ONECUT3: variants seen among roughly 807,000 people sequenced by gnomAD.
ONECUT3 encodes one cut homeobox 3, also known as one cut domain family member 3.
ONECUT3 carries 11 observed loss-of-function variants against 16.8 expected under a neutral mutation model. That is an observed-to-expected ratio of 0.66 (90% CI 0.41 to 1.09). ONECUT3 has a LOEUF of 1.09. Ranked by LOEUF, ONECUT3 falls within the 50% of genes least tolerant of loss-of-function variation. ONECUT3 has a pLI of 0.00. For missense variants in ONECUT3, 637 were observed against 629.9 expected (o/e 1.01, Z -0.12); for synonymous variants, 344 against 310.7 (o/e 1.11, Z -1.13).
In ONECUT3 at chr19:1,758,337, C is replaced by CAGAGACAGAGAG. The variant is rs1355859261; in HGVS notation, c.1192+3488_1192+3489insCAGAGAGAGAGA. 4.4e-5 allele frequency among the ~76,000 whole-genome samples: 6 copies of CAGAGACAGAGAG among 134,912 alleles called. No homozygotes were observed. The highest frequency in any genetic ancestry group is 1.5e-4 in the Admixed American group (2 of 13,508). The allele number at this position is 134,912 out of a possible 152,430, so 88.5% of individuals were successfully genotyped here. On this transcript the variant is annotated intron_variant, in intron 1 of 1. Coordinates refer to ENST00000382349, the MANE Select transcript of ONECUT3 (RefSeq NM_001080488.2). This position sits in a 1 kb window ranked among gnomAD's most constrained non-coding sequence, Gnocchi z 5.9. ...AAAAAGAGAGAGAGAGAGAGAGAGA[C>CAGAGACAGAGAG]AGAGATGGGAGAGGAACTCTGGGTG...
rs2067912987 is a variant in ONECUT3, at chr19:1,755,680, T to A, written c.1192+826T>A. ...CGGTCGGAACACACTGGTATCTCTA[T>A]GTTTTTCTCTTGCTCTCCGTTTTGC... is the stretch of plus-strand genomic sequence containing the variant. On this transcript the variant is annotated intron_variant, in intron 1 of 1. Transcript: ENST00000382349. The surrounding 1 kb of genome is among the most constrained non-coding windows in gnomAD (Gnocchi z 7.5). 6.6e-6 allele frequency among the ~76,000 whole-genome samples: 1 copy of A among 152,234 alleles called. No homozygotes were observed. The highest frequency in any genetic ancestry group is 1.5e-5 in the Non-Finnish European group (1 of 68,040).
intron 1 of ONECUT3, among the ~76,000 whole-genome samples, chr19:1,774,851 C>T (rs1301972068): frequency 1.3e-5 from 2 of 150,770 alleles, no homozygotes; most frequent in Non-Finnish European, 3.0e-5. Context: ...GCCTTCCATT[C>T]TGTCTCCACC....
intron 1 of ONECUT3, among the ~76,000 whole-genome samples, chr19:1,769,969 C>G (rs970769770): frequency 3.9e-5 from 6 of 152,108 alleles, no homozygotes; most frequent in Admixed American, 2.0e-4. Context: ...TGCATCCTAC[C>G]TCCCTCCCCC....
chr19:1,756,791 G>A (rs1025922127), intron 1 of ONECUT3, among the ~76,000 whole-genome samples: 5 of 140,200 alleles, frequency 3.6e-5, no homozygotes, highest in African/African-American at 1.3e-4. Flanking sequence ...CAGGTGATCC[G>A]CCCGCTTCTG....
chr19:1,774,460 C>T (rs2068086089), intron 1 of ONECUT3, among the ~76,000 whole-genome samples: 1 of 152,048 alleles, frequency 6.6e-6, no homozygotes, highest in African/African-American at 2.4e-5. Flanking sequence ...CCCTGGTTAG[C>T]CCACCATTTC....
Position 1,778,883 on chromosome 19 carries a change from C to CACACACACAT in ONECUT3, c.*3447_*3448insTACACACACA, listed in dbSNP as rs1431685970. ...TCTTCGTATCACACACACACACACA[C>CACACACACAT]ACACACACACACACACACACACACA... On this transcript the variant is annotated 3_prime_UTR_variant, in exon 2 of 2. Transcript: ENST00000382349. The CACACACACAT allele has an allele frequency of 1.3e-5, 2 of 149,324 alleles. No homozygotes were observed. The highest frequency in any genetic ancestry group is 5.0e-5 in the African/African-American group (2 of 40,150). 9.2% of individuals were successfully genotyped at this position (149,324 alleles called of 1,614,324 possible). A position where few individuals can be genotyped will look rare whatever the true frequency, so the allele number is the denominator to read the frequency against.
In ONECUT3 at chr19:1,775,295, C is replaced by T. The variant is rs1400706396; in HGVS notation, c.1335C>T (p.Val445=). Residue 445 remains valine, a synonymous_variant, in exon 2 of 2, where the codon GTC becomes GTT. Transcript: ENST00000382349. ...AGCGGCCGTCCAAGGAGATGCAGGT[C>T]ACCATCTCGCAGCAGCTCGGCTTGG... ...ENKRPSKEMQ[V]TISQQLGLEL... 2 of 1,605,250 alleles carry T rather than the reference C, an allele frequency of 1.2e-6. No individual in the cohort carries two copies. The highest frequency in any genetic ancestry group is 1.7e-6 in the Non-Finnish European group (2 of 1,175,820).
chr19:1,767,002 G>A (rs1332795457), intron 1 of ONECUT3, among the ~76,000 whole-genome samples: 4 of 151,818 alleles, frequency 2.6e-5, no homozygotes, highest in South Asian at 2.1e-4. Context: ...GCTGCGGGGG[G>A]AGGGAGGGAC....
rs1166327576 is a variant in ONECUT3, at chr19:1,766,379, GAAGC to G, written c.1193-8773_1193-8770del. Among the ~76,000 whole-genome samples the G allele has an allele frequency of 6.6e-6, 1 of 151,506 alleles. No individual in the cohort carries two copies. Among genetic ancestry groups the G allele is most frequent in the Non-Finnish European group, 1.5e-5 (1 of 67,628 alleles). ...AGGGGCGAGGCGGATGCTGCATCCTGAAGCCCTCCCTGTTACAAGCCCAGCCCCT... is the reference window on the plus strand; with the variant it reads ...AGGGGCGAGGCGGATGCTGCATCCTGCCTCCCTGTTACAAGCCCAGCCCCT... On this transcript the variant is annotated intron_variant, in intron 1 of 1. Transcript: ENST00000382349. This position sits in a 1 kb window ranked among gnomAD's most constrained non-coding sequence, Gnocchi z 4.0.
rs1490741544 is a variant in ONECUT3, at chr19:1,775,439, G to A, written c.1479G>A (p.Lys493=). The change falls in exon 2 of 2, where the codon AAG becomes AAA. Residue 493 remains lysine, a synonymous_variant. Coordinates refer to ENST00000382349, the MANE Select transcript of ONECUT3 (RefSeq NM_001080488.2). ...GPAGATATFS[K]A is the part of the protein sequence containing the mutation. ...CCGGCGCCACGGCCACTTTCTCCAAGGCCTGAGGCGCCCCGGCCCCGCGCC... is the reference window on the plus strand; with the variant it reads ...CCGGCGCCACGGCCACTTTCTCCAAAGCCTGAGGCGCCCCGGCCCCGCGCC... The A allele has an allele frequency of 6.7e-7, 1 of 1,492,654 alleles. No homozygotes were observed. Among genetic ancestry groups the A allele is most frequent in the Non-Finnish European group, 8.9e-7 (1 of 1,126,150 alleles). The allele number at this position is 1,492,654 out of a possible 1,614,324, so 92.5% of individuals were successfully genotyped here.
intron 1 of ONECUT3, among the ~76,000 whole-genome samples, chr19:1,763,045 G>C (rs8102094): frequency 0.72 from 109,089 of 151,712 alleles, 39,897 homozygotes; most frequent in African/African-American, 0.86. Flanking sequence ...TAGGGAGACC[G>C]CATCTCTATA....
intron 1 of ONECUT3, among the ~76,000 whole-genome samples, chr19:1,771,430 C>A (rs1441863365): frequency 1.3e-5 from 2 of 152,066 alleles, no homozygotes; most frequent in Non-Finnish European, 2.9e-5. Context: ...TTTATTGCAC[C>A]TTCATGTTTG....
chr19:1,758,455 C>T lies in ONECUT3; in HGVS notation c.1192+3601C>T, dbSNP rs946730406. On this transcript the variant is annotated intron_variant, in intron 1 of 1. Transcript: ENST00000382349. The surrounding 1 kb of genome is among the most constrained non-coding windows in gnomAD (Gnocchi z 5.9). ...CTTGGGAGAGGGGAATAGGTGTTTT[C>T]CTTGTTTCACCAAAGCACGCAAGAA... Among the ~76,000 whole-genome samples, 2 of 151,676 alleles carry T rather than the reference C, an allele frequency of 1.3e-5. No individual in the cohort carries two copies. Among genetic ancestry groups the T allele is most frequent in the Admixed American group, 6.6e-5 (1 of 15,234 alleles).
At position 1,756,695 on chromosome 19, in the gene ONECUT3, A is replaced by ATTTTTTTTTTT. The variant is rs58105449; in HGVS notation, c.1192+1855_1192+1865dup. Among the ~76,000 whole-genome samples, 162 of 101,138 alleles carry ATTTTTTTTTTT rather than the reference A, an allele frequency of 1.6e-3. 1 individual carries two copies. Among genetic ancestry groups the ATTTTTTTTTTT allele is most frequent in the African/African-American group, 2.9e-3 (72 of 24,666 alleles). 66.4% of individuals were successfully genotyped at this position (101,138 alleles called of 152,430 possible). A position where few individuals can be genotyped will look rare whatever the true frequency, so the allele number is the denominator to read the frequency against. On this transcript the variant is annotated intron_variant, in intron 1 of 1. Transcript: ENST00000382349. ...CAGACGCCCGCCACCACGCCTGGCT[A>ATTTTTTTTTTT]TTTTTTTTTTTTTTTTTTTTTTTTG...
In ONECUT3 at chr19:1,755,071, G is replaced by GC. The variant is rs1452917770; in HGVS notation, c.1192+223dup. The stretch of plus-strand genomic sequence containing the variant: ...GAGAAAGGGATTGTGCCGCCTCCCC[G>GC]CCCCCCGGTCGCCGCTTCTGCCCCT... On this transcript the variant is annotated intron_variant, in intron 1 of 1. Transcript: ENST00000382349. This position sits in a 1 kb window ranked among gnomAD's most constrained non-coding sequence, Gnocchi z 7.5. Among the ~76,000 whole-genome samples, 1 of 152,090 alleles carries GC rather than the reference G, an allele frequency of 6.6e-6. No individual in the cohort carries two copies. The highest frequency in any genetic ancestry group is 1.9e-4 in the East Asian group (1 of 5,166).
intron 1 of ONECUT3, among the ~76,000 whole-genome samples, chr19:1,770,783 C>T (rs531709743): frequency 6.6e-6 from 1 of 152,238 alleles, no homozygotes; most frequent in East Asian, 1.9e-4. Context: ...TTTTGCATTT[C>T]CTTCCATGTT....
At chr19:1,771,307 C>A (rs937148124) in intron 1 of ONECUT3, among the ~76,000 whole-genome samples, 2 of 152,160 alleles carry the variant, frequency 1.3e-5, no homozygotes, top group African/African-American at 4.8e-5. Context: ...GAATCCCACA[C>A]CATCCTTTTT....
intron 1 of ONECUT3, 29 bp from the exon 2 acceptor site, chr19:1,775,124 T>TCGTC: frequency 9.2e-7 from 1 of 1,082,164 alleles, no homozygotes; most frequent in Non-Finnish European, 1.3e-6. Context: ...TGTGTCCCGC[T>TCGTC]CGCCCGCCCG....
chr19:1,753,655 A>T lies in ONECUT3; in HGVS notation c.-8A>T. 2 of 1,042,082 alleles carry T rather than the reference A, an allele frequency of 1.9e-6. No individual in the cohort carries two copies. The highest frequency in any genetic ancestry group is 2.3e-6 in the Non-Finnish European group (2 of 864,460). The allele number at this position is 1,042,082 out of a possible 1,614,324, so 64.6% of individuals were successfully genotyped here. On this transcript the variant is annotated 5_prime_UTR_variant, in exon 1 of 2. Transcript: ENST00000382349. ...TGAGGAGCGCGCGCGGCGGGAGGGC[A>T]GCCGAGCATGGAGCTGAGCCTGGAG... is the stretch of plus-strand genomic sequence containing the variant.
Sources: allele counts gnomAD v4.1 joint callset (sites outside exome capture counted in the v4.1 genomes callset), GRCh38; gene constraint gnomAD v4.1.1; non-coding constraint Gnocchi (gnomAD v3.1); transcripts MANE v1.5; gene names NCBI Gene and HGNC (gene_info 2026-07-23, HGNC 2026-07-21).